The following ZMYM2 variants were observed in gnomAD, a reference collection of about 807,000 sequenced individuals.
ZMYM2 encodes zinc finger MYM-type containing 2.
Under a neutral mutation model 162.8 loss-of-function variants are expected in ZMYM2, and 56 were observed. The ratio of observed to expected loss-of-function variants is 0.34; its 90% CI spans 0.28 to 0.43. ZMYM2 has a LOEUF of 0.43. Among genes scored for constraint, ZMYM2 ranks in the 20% least tolerant of loss-of-function variants. ZMYM2 has a pLI of 1.00. For missense variants in ZMYM2, 1,275 were observed against 1,621.8 expected (o/e 0.79, Z 3.67); for synonymous variants, 510 against 541.6 (o/e 0.94, Z 0.81).
chr13:19,884,312 G>C, the ZMYM2 span, among the ~76,000 whole-genome samples: 1 of 152,162 alleles, frequency 6.6e-6, no homozygotes, highest in Admixed American at 6.6e-5. Flanking sequence ...TGTGGCTGCC[G>C]CTTGTTATAC....
At chr13:19,991,062 GTGTACGTATGTATTTTC>G (rs1365728893) in intron 2 of ZMYM2, among the ~76,000 whole-genome samples, 134 of 138,602 alleles carry the variant, frequency 9.7e-4, no homozygotes, top group Admixed American at 4.2e-3. Context: ...GTGTGTGTGT[GTGTACGTATGTATTTTC>G]TGTGTGTGTG....
the ZMYM2 span, among the ~76,000 whole-genome samples, chr13:19,926,707 A>C: frequency 6.6e-6 from 1 of 151,474 alleles, no homozygotes; most frequent in Non-Finnish European, 1.5e-5. Context: ...CCACTCTTTC[A>C]CACAGGCTGG....
At chr13:19,912,937 G>A in the ZMYM2 span, among the ~76,000 whole-genome samples, 1 of 152,140 alleles carries the variant, frequency 6.6e-6, no homozygotes, top group Non-Finnish European at 1.5e-5. Flanking sequence ...GGATCTGTTT[G>A]GATTTTGGAG....
intron 2 of ZMYM2, among the ~76,000 whole-genome samples, chr13:19,975,013 GT>G (rs1236084643): frequency 1.3e-5 from 2 of 151,066 alleles, no homozygotes; most frequent in African/African-American, 4.9e-5. Flanking sequence ...ATTTTTGTGT[GT>G]GAACTGTTTA....
At chr13:19,942,220 T>G in the ZMYM2 span, among the ~76,000 whole-genome samples, 1 of 152,184 alleles carries the variant, frequency 6.6e-6, no homozygotes, top group South Asian at 2.1e-4. Flanking sequence ...TTACAAATTT[T>G]GAATTTTAAT....
chr13:19,873,399 T>TA, the ZMYM2 span, among the ~76,000 whole-genome samples: 3 of 149,594 alleles, frequency 2.0e-5, no homozygotes, highest in African/African-American at 7.3e-5. Context: ...TTTATTTATT[T>TA]ATTTATTTAT....
the ZMYM2 span, among the ~76,000 whole-genome samples, chr13:19,930,555 T>TAATG: frequency 6.6e-6 from 1 of 151,364 alleles, no homozygotes; most frequent in Non-Finnish European, 1.5e-5. Context: ...TTATTTGTTT[T>TAATG]GAGATGGAGT....
chr13:19,928,148 G>A, the ZMYM2 span, among the ~76,000 whole-genome samples: 1 of 152,198 alleles, frequency 6.6e-6, no homozygotes, highest in African/African-American at 2.4e-5. Context: ...TGGGACTACG[G>A]GCACTCACTA....
At chr13:20,023,503 G>A (rs1223967518) in intron 7 of ZMYM2, among the ~76,000 whole-genome samples, 1 of 152,088 alleles carries the variant, frequency 6.6e-6, no homozygotes, top group Non-Finnish European at 1.5e-5. Flanking sequence ...AAAATATAAG[G>A]TACATCTTTT....
chr13:19,962,497 A>ATT, intron 2 of ZMYM2, among the ~76,000 whole-genome samples: 1 of 72,972 alleles, frequency 1.4e-5, no homozygotes, highest in African/African-American at 7.5e-5. Flanking sequence ...ATTGCATGGG[A>ATT]TATATATATA....
the ZMYM2 span, among the ~76,000 whole-genome samples, chr13:19,951,289 A>G: frequency 1.6e-4 from 25 of 152,236 alleles, no homozygotes; most frequent in East Asian, 4.4e-3. Context: ...TGAAGAGACA[A>G]CCTATGAAAT....
In ZMYM2 at chr13:20,053,516, G is replaced by T. The variant is rs964409700; in HGVS notation, c.2493+1205G>T. Among the ~76,000 whole-genome samples the T allele has an allele frequency of 2.0e-5, 3 of 152,032 alleles. No individual in the cohort carries two copies. The East Asian group carries it at 5.8e-4, about 29-fold the overall frequency. ...AAATACAAAAAATTAGCCGGGCGTGGTGGTGGGCACCTGTAATCCCAGCTA... is the reference window on the plus strand; with the variant it reads ...AAATACAAAAAATTAGCCGGGCGTGTTGGTGGGCACCTGTAATCCCAGCTA... On this transcript the variant is annotated intron_variant, in intron 14 of 24. Coordinates refer to ENST00000610343, the MANE Select transcript of ZMYM2 (RefSeq NM_197968.4).
intron 6 of ZMYM2, among the ~76,000 whole-genome samples, chr13:20,011,216 T>C (rs999614183): frequency 1.3e-5 from 2 of 152,214 alleles, no homozygotes; most frequent in South Asian, 4.1e-4. Context: ...CTTCGTACTT[T>C]TGTTCCGGAG....
intron 6 of ZMYM2, among the ~76,000 whole-genome samples, chr13:20,011,034 A>C (rs1951133466): frequency 6.6e-6 from 1 of 152,210 alleles, no homozygotes; most frequent in Non-Finnish European, 1.5e-5. Context: ...TGTTCAAATC[A>C]GGGTAATTAG....
At chr13:19,986,202 C>A (rs1444096627) in intron 2 of ZMYM2, among the ~76,000 whole-genome samples, 2 of 146,204 alleles carry the variant, frequency 1.4e-5, no homozygotes, top group Non-Finnish European at 3.1e-5. Flanking sequence ...CTCAAAAAAA[C>A]AAACAAACAA....
chr13:19,900,320 C>T, the ZMYM2 span, among the ~76,000 whole-genome samples: 2 of 151,994 alleles, frequency 1.3e-5, no homozygotes, highest in South Asian at 4.2e-4. Context: ...AACAGTTGTA[C>T]AACAACAAAA....
rs898969469 is a variant in ZMYM2 at position 20,087,272 on chromosome 13, A to T, written c.*1258A>T. ...ATTACTTCTTATAGAAGATTGCATT[A>T]AAAAAAAAAACAACTTTGTGCTTCT... On this transcript the variant is annotated 3_prime_UTR_variant, in exon 25 of 25. Transcript: ENST00000610343. The T allele has an allele frequency of 5.0e-5, 8 of 159,336 alleles. No homozygotes were observed. In the South Asian group the frequency reaches 8.5e-4, roughly 17 times the overall value. 9.9% of individuals were successfully genotyped at this position (159,336 alleles called of 1,614,324 possible).
rs58935312 is a variant in ZMYM2, at chr13:19,970,198, T to A, written c.-11+10172T>A. 1.2e-3 allele frequency: 396 copies of A among 338,394 alleles called. 6 individuals are homozygous for A. In the East Asian group the frequency reaches 0.017, roughly 14 times the overall value. 21.0% of individuals were successfully genotyped at this position (338,394 alleles called of 1,614,324 possible). ...ACAAGTGGTCATAAGAATAAATGAA[T>A]GTTTGATGATTTGTTTCCAAATTAA... On this transcript the variant is annotated intron_variant, in intron 2 of 24. Coordinates refer to ENST00000610343, the MANE Select transcript of ZMYM2 (RefSeq NM_197968.4).
intron 21 of ZMYM2, among the ~76,000 whole-genome samples, chr13:20,068,992 A>G (rs1253757785): frequency 6.6e-6 from 1 of 152,090 alleles, no homozygotes; most frequent in African/African-American, 2.4e-5. Flanking sequence ...TAAAAACAAC[A>G]AAATAAGGGG....
Sources: allele counts gnomAD v4.1 joint callset (sites outside exome capture counted in the v4.1 genomes callset), GRCh38; gene constraint gnomAD v4.1.1; transcripts MANE v1.5; gene names NCBI Gene and HGNC (gene_info 2026-07-23, HGNC 2026-07-21).